LRRC4C: variants seen among roughly 807,000 people sequenced by gnomAD.
LRRC4C encodes leucine-rich repeat-containing protein 4C.
Under a neutral mutation model 33.6 loss-of-function variants are expected in LRRC4C, and 5 were observed. That is an observed-to-expected ratio of 0.15 (90% CI 0.08 to 0.31). LRRC4C has a LOEUF of 0.31. Among genes scored for constraint, LRRC4C ranks in the 10% least tolerant of loss-of-function variants. The pLI is 1.00. For synonymous variants in LRRC4C, 329 were observed against 302.0 expected, an observed-to-expected ratio of 1.09 and a Z score of -0.93; for missense variants, 560 against 796.7, an observed-to-expected ratio of 0.70 and a Z score of 3.58.
intron 1 of LRRC4C, among the ~76,000 whole-genome samples, chr11:41,123,515 G>T (rs1327963018): frequency 6.6e-6 from 1 of 150,862 alleles, no homozygotes; most frequent in Non-Finnish European, 1.5e-5. Flanking sequence ...CTCGTGATCC[G>T]CCCGCCTCGG....
chr11:41,309,597 CA>C (rs1303765574), intron 1 of LRRC4C, among the ~76,000 whole-genome samples: 1 of 152,148 alleles, frequency 6.6e-6, no homozygotes, highest in Non-Finnish European at 1.5e-5. Flanking sequence ...AATTGAGGTG[CA>C]GTACAAGATG....
chr11:40,734,920 G>T (rs193045487), intron 2 of LRRC4C, among the ~76,000 whole-genome samples: 1 of 151,956 alleles, frequency 6.6e-6, no homozygotes, highest in Non-Finnish European at 1.5e-5. Context: ...CGCAATGTGC[G>T]CAAGAACCAC....
intron 2 of LRRC4C, among the ~76,000 whole-genome samples, chr11:40,794,630 A>G (rs966196552): frequency 6.6e-6 from 1 of 152,176 alleles, no homozygotes; most frequent in Non-Finnish European, 1.5e-5. Flanking sequence ...CTATCCTGCA[A>G]GTGTTGGAAG....
intron 1 of LRRC4C, among the ~76,000 whole-genome samples, chr11:41,000,294 A>C (rs894808706): frequency 1.3e-5 from 2 of 152,166 alleles, no homozygotes; most frequent in Admixed American, 1.3e-4. Context: ...CGGAGAATGA[A>C]AAGATTTTGA....
chr11:40,665,344 A>ATG (rs1943730014), intron 2 of LRRC4C, among the ~76,000 whole-genome samples: 1 of 20,784 alleles, frequency 4.8e-5, no homozygotes, highest in Non-Finnish European at 1.1e-4. Flanking sequence ...ATATATATAT[A>ATG]TATATATATA....
chr11:41,142,696 CA>C (rs113400238), intron 1 of LRRC4C, among the ~76,000 whole-genome samples: 7,278 of 149,452 alleles, frequency 0.049, 273 homozygotes, highest in African/African-American at 0.11. Flanking sequence ...CCTCTGATAA[CA>C]AAAAAAAAGG....
Position 40,987,665 on chromosome 11 carries a change from A to ATAT in LRRC4C, c.-495-53943_-495-53942insATA, listed in dbSNP as rs1565274622. The stretch of plus-strand genomic sequence containing the variant: ...TATATATATATATCTCATATATATG[A>ATAT]GATATAAATGATATATATATATATA... On this transcript the variant is annotated intron_variant, in intron 1 of 6. Coordinates refer to ENST00000528697, the MANE Select transcript of LRRC4C (RefSeq NM_001258419.2). Among the ~76,000 whole-genome samples the ATAT allele has an allele frequency of 8.9e-4, 16 of 18,054 alleles. No homozygotes were observed. The South Asian group carries it at 0.014, about 16-fold the overall frequency. The allele number at this position is 18,054 out of a possible 152,430, so 11.8% of individuals were successfully genotyped here.
intron 6 of LRRC4C, among the ~76,000 whole-genome samples, chr11:40,120,277 C>T (rs1048362532): frequency 3.3e-5 from 5 of 152,206 alleles, no homozygotes; most frequent in African/African-American, 9.6e-5. Context: ...TATAGGACTA[C>T]ACCCCTGCCC....
chr11:41,411,140 C>CTTTTTTTTTTTTTTTTTTTTTTTTTTT (rs1249968357), intron 1 of LRRC4C, among the ~76,000 whole-genome samples: 8 of 49,906 alleles, frequency 1.6e-4, no homozygotes, highest in Admixed American at 3.3e-4. Context: ...GGTTGGTACC[C>CTTTTTTTTTTTTTTTTTTTTTTTTTTT]TATTTTTTTT....
intron 2 of LRRC4C, among the ~76,000 whole-genome samples, chr11:40,751,917 GAACA>G (rs1420867066): frequency 2.6e-5 from 4 of 152,096 alleles, no homozygotes; most frequent in South Asian, 4.2e-4. Context: ...CAGAGCAATG[GAACA>G]AACAGAGAAC....
chr11:41,283,650 T>C (rs901351449), intron 1 of LRRC4C, among the ~76,000 whole-genome samples: 1 of 152,244 alleles, frequency 6.6e-6, no homozygotes, highest in Non-Finnish European at 1.5e-5. Flanking sequence ...CAATAGCCAC[T>C]GTGCTACAGT....
chr11:40,917,928 G>A (rs548078665), intron 2 of LRRC4C, among the ~76,000 whole-genome samples: 145 of 152,250 alleles, frequency 9.5e-4, no homozygotes, highest in Non-Finnish European at 1.5e-3. Flanking sequence ...AAAAAACAGT[G>A]TGGGTTTGAC....
chr11:40,581,653 C>T (rs1958470103), intron 3 of LRRC4C, among the ~76,000 whole-genome samples: 1 of 152,102 alleles, frequency 6.6e-6, no homozygotes, highest in African/African-American at 2.4e-5. Flanking sequence ...CCTGTAATCC[C>T]AGCACTTTGG....
intron 3 of LRRC4C, among the ~76,000 whole-genome samples, chr11:40,576,873 C>A (rs900704252): frequency 6.6e-6 from 1 of 152,078 alleles, no homozygotes; most frequent in Admixed American, 6.6e-5. Flanking sequence ...ACATAGTATG[C>A]GCTCATTAAA....
rs79970532 is a variant in LRRC4C at position 41,057,260 on chromosome 11, T to C, written c.-495-123537A>G. On this transcript the variant is annotated intron_variant, in intron 1 of 6. Transcript: ENST00000528697. ...TGGGTACTCTCACAGCCCAGCTGGGTGTTCACACACTCGAGGCAGTGCTGA... is the reference window on the plus strand; with the variant it reads ...TGGGTACTCTCACAGCCCAGCTGGGCGTTCACACACTCGAGGCAGTGCTGA... Among the ~76,000 whole-genome samples, 20 of 152,252 alleles carry C rather than the reference T, an allele frequency of 1.3e-4. No individual in the cohort carries two copies. The East Asian group carries it at 3.9e-3, about 30-fold the overall frequency.
At chr11:40,210,181 T>C (rs1204194763) in intron 5 of LRRC4C, among the ~76,000 whole-genome samples, 1 of 151,312 alleles carries the variant, frequency 6.6e-6, no homozygotes, top group Admixed American at 6.6e-5. Flanking sequence ...GGCAGGAGAA[T>C]GGCATGAACC....
intron 2 of LRRC4C, among the ~76,000 whole-genome samples, chr11:40,701,191 G>C (rs189023983): frequency 2.6e-5 from 4 of 152,246 alleles, no homozygotes; most frequent in Admixed American, 2.0e-4. Flanking sequence ...CACTCTCCCA[G>C]TGCTAAGAAG....
intron 1 of LRRC4C, among the ~76,000 whole-genome samples, chr11:41,277,236 A>T (rs1053763986): frequency 6.6e-6 from 1 of 152,194 alleles, no homozygotes; most frequent in Non-Finnish European, 1.5e-5. Context: ...ATGGCAAATA[A>T]CAAAGCATGT....
chr11:40,344,415 T>A (rs568555012), intron 3 of LRRC4C, among the ~76,000 whole-genome samples: 83 of 152,218 alleles, frequency 5.5e-4, no homozygotes, highest in African/African-American at 1.9e-3. Flanking sequence ...AATAATTATC[T>A]CAATAGATGC....
Sources: gnomAD v4.1 joint callset for allele counts (sites outside exome capture counted in the v4.1 genomes callset) on GRCh38, gnomAD v4.1.1 for gene constraint, MANE v1.5 for transcripts, NCBI Gene and HGNC (gene_info 2026-07-23, HGNC 2026-07-21) for gene names.